Variants in ESR1 observed in about 807,000 individuals in gnomAD.
The protein encoded by ESR1 is estrogen receptor.
ESR1 carries 12 observed loss-of-function variants against 52.7 expected under a neutral mutation model. The observed-to-expected ratio is 0.23, with a 90% CI of 0.15 to 0.37. ESR1 has a LOEUF of 0.37. ESR1 is among the 10% of genes least tolerant of loss of function. The pLI is 1.00. For missense variants in ESR1, 584 were observed against 779.7 expected (o/e 0.75, Z 2.99); for synonymous variants, 305 against 316.8 (o/e 0.96, Z 0.39).
intron 2 of ESR1, among the ~76,000 whole-genome samples, chr6:151,786,373 G>A (rs550406032): frequency 3.4e-4 from 52 of 152,276 alleles, no homozygotes; most frequent in Middle Eastern, 3.4e-3. Context: ...ACGCTGCAGG[G>A]CAGGAACTCA....
chr6:152,077,543 G>A (rs2048842786), intron 6 of ESR1, among the ~76,000 whole-genome samples: 3 of 152,184 alleles, frequency 2.0e-5, no homozygotes, highest in Admixed American at 2.0e-4. Context: ...CCATGTGCCT[G>A]GAAAAGCCAC....
chr6:152,079,332 A>T (rs1388593809), intron 6 of ESR1, among the ~76,000 whole-genome samples: 2 of 152,212 alleles, frequency 1.3e-5, no homozygotes, highest in African/African-American at 4.8e-5. Context: ...TCCGCTGGTG[A>T]TACCCAGGCA....
chr6:152,109,236 T>C (rs2051102411), intron 6 of ESR1, among the ~76,000 whole-genome samples: 1 of 152,162 alleles, frequency 6.6e-6, no homozygotes, highest in South Asian at 2.1e-4. Context: ...GATTACAATT[T>C]GACATGAGAT....
chr6:151,767,704 G>A (rs2098856062), intron 2 of ESR1, among the ~76,000 whole-genome samples: 1 of 152,180 alleles, frequency 6.6e-6, no homozygotes, highest in African/African-American at 2.4e-5. Flanking sequence ...TCAAATTCCA[G>A]TTAAAAGAAA....
chr6:151,797,064 T>G (rs937808981), intron 2 of ESR1, among the ~76,000 whole-genome samples: 2 of 152,200 alleles, frequency 1.3e-5, no homozygotes, highest in Non-Finnish European at 2.9e-5. Flanking sequence ...AGTTCAGAGT[T>G]TCTACTGTAA....
chr6:151,782,084 G>C (rs1442377565), intron 2 of ESR1, among the ~76,000 whole-genome samples: 1 of 152,110 alleles, frequency 6.6e-6, no homozygotes, highest in Non-Finnish European at 1.5e-5. Context: ...TTGGGATCTT[G>C]GATTGTTGAG....
At chr6:151,794,653 G>A (rs76961596) in intron 2 of ESR1, among the ~76,000 whole-genome samples, 5,073 of 152,008 alleles carry the variant, frequency 0.033, 115 homozygotes, top group Middle Eastern at 0.054. Flanking sequence ...TTTACAATGG[G>A]TCTGAAAATG....
chr6:151,723,223 G>C (rs1412662876), intron 2 of ESR1, among the ~76,000 whole-genome samples: 1 of 152,172 alleles, frequency 6.6e-6, no homozygotes, highest in Non-Finnish European at 1.5e-5. Flanking sequence ...GAGACTCTGA[G>C]GGGTGGGAGG....
chr6:151,673,488 C>T (rs1448832758), intron 1 of ESR1, among the ~76,000 whole-genome samples: 3 of 152,116 alleles, frequency 2.0e-5, no homozygotes, highest in South Asian at 4.1e-4. Flanking sequence ...TTCAAAGTAG[C>T]GTGGACAATT....
intron 4 of ESR1, among the ~76,000 whole-genome samples, chr6:152,001,328 G>A (rs1289694265): frequency 6.6e-6 from 1 of 151,998 alleles, no homozygotes; most frequent in Admixed American, 6.6e-5. Context: ...AGAATTGGAA[G>A]GAGAAATGGG....
chr6:151,775,779 C>G (rs1287356799), intron 2 of ESR1, among the ~76,000 whole-genome samples: 1 of 150,782 alleles, frequency 6.6e-6, no homozygotes, highest in Admixed American at 6.6e-5. Context: ...AAACCCAAAA[C>G]AGTCCTAGAG....
intron 5 of ESR1, 45 bp downstream of exon 5, chr6:152,011,839 T>C (rs1470529158): frequency 5.6e-6 from 9 of 1,600,662 alleles, no homozygotes; most frequent in Admixed American, 1.7e-5. Flanking sequence ...TTCTTTACGA[T>C]CATAGTTCAT....
At chr6:152,127,322 T>C (rs902604456) in exon 7 of ESR1, 4 of 152,154 alleles carry the variant, frequency 2.6e-5, no homozygotes, top group African/African-American at 9.7e-5. Flanking sequence ...ATTGGGAATA[T>C]AGCCATGTCA....
chr6:151,954,081 G>A (rs1228285441), intron 4 of ESR1, among the ~76,000 whole-genome samples: 5 of 152,170 alleles, frequency 3.3e-5, no homozygotes, highest in East Asian at 3.9e-4. Flanking sequence ...TCTCAAGCAC[G>A]CGCCTGTACA....
upstream of ESR1, among the ~76,000 whole-genome samples, chr6:151,802,022 A>G (rs1777298029): frequency 6.6e-6 from 1 of 152,258 alleles, no homozygotes; most frequent in Non-Finnish European, 1.5e-5. Flanking sequence ...AGAATGGGAC[A>G]CAAAGGGAAA....
chr6:152,054,192 A>G (rs1463678049), intron 5 of ESR1, among the ~76,000 whole-genome samples: 2 of 152,100 alleles, frequency 1.3e-5, no homozygotes, highest in South Asian at 2.1e-4. Flanking sequence ...TTTTAAACTA[A>G]TCATTTTTAA....
intron 5 of ESR1, among the ~76,000 whole-genome samples, chr6:152,017,136 A>G (rs2043228670): frequency 6.6e-6 from 1 of 152,314 alleles, no homozygotes; most frequent in Admixed American, 6.5e-5. Context: ...TTTGGTGATT[A>G]TAAGAGTAAA....
chr6:151,819,689 A>C (rs1389445545), intron 1 of ESR1, among the ~76,000 whole-genome samples: 6 of 152,146 alleles, frequency 3.9e-5, no homozygotes, highest in Non-Finnish European at 7.3e-5. Flanking sequence ...TTGCATAATT[A>C]TTTCATTATA....
intron 2 of ESR1, among the ~76,000 whole-genome samples, chr6:151,773,552 G>C (rs1364935148): frequency 1.3e-5 from 2 of 152,212 alleles, no homozygotes; most frequent in Non-Finnish European, 1.5e-5. Flanking sequence ...GCATATGTTT[G>C]AAGGCAGCTG....
Sources: allele counts gnomAD v4.1 joint callset (sites outside exome capture counted in the v4.1 genomes callset), GRCh38; gene constraint gnomAD v4.1.1; transcripts MANE v1.5; gene names NCBI Gene and HGNC (gene_info 2026-07-23, HGNC 2026-07-21).